The following METTL15 variants were observed in gnomAD, a reference collection of about 807,000 sequenced individuals.
The protein encoded by METTL15 is 12S rRNA N(4)-cytidine methyltransferase METTL15.
A neutral mutation model predicts 38.3 loss-of-function variants in METTL15; 34 were observed. The observed-to-expected ratio is 0.89, with a 90% CI of 0.68 to 1.18. METTL15 has a LOEUF of 1.18. METTL15 is among the 50% of genes most tolerant of loss of function. The pLI is 0.00. For synonymous variants in METTL15, 162 were observed against 170.9 expected, an observed-to-expected ratio of 0.95 and a Z score of 0.41; for missense variants, 438 against 498.4, an observed-to-expected ratio of 0.88 and a Z score of 1.15.
chr11:28,279,585 C>T (rs945022502), intron 4 of METTL15, among the ~76,000 whole-genome samples: 1 of 152,250 alleles, frequency 6.6e-6, no homozygotes, highest in South Asian at 2.1e-4. Flanking sequence ...TTGGTGATCA[C>T]AACCTACATG....
chr11:28,392,408 A>G (rs1020889430), intron 5 of METTL15, among the ~76,000 whole-genome samples: 4 of 152,074 alleles, frequency 2.6e-5, no homozygotes, highest in African/African-American at 7.2e-5. Context: ...ATGGAACAGA[A>G]TAGAAAGCCC....
chr11:28,208,069 T>C (rs937772565), intron 3 of METTL15, among the ~76,000 whole-genome samples: 15 of 152,176 alleles, frequency 9.9e-5, no homozygotes, highest in Non-Finnish European at 2.1e-4. Flanking sequence ...AGCTCCTGGA[T>C]TCATTAATTT....
intron 4 of METTL15, among the ~76,000 whole-genome samples, chr11:28,265,893 T>A (rs1183528792): frequency 1.3e-5 from 2 of 152,228 alleles, no homozygotes; most frequent in Admixed American, 6.5e-5. Context: ...ACATGTGCCA[T>A]GTTGGTGTGC....
At chr11:28,234,063 T>G (rs1235199827) in intron 4 of METTL15, among the ~76,000 whole-genome samples, 2 of 151,990 alleles carry the variant, frequency 1.3e-5, no homozygotes, top group Admixed American at 1.3e-4. Flanking sequence ...TGTTTGGTTT[T>G]TTGTCCTTGC....
At chr11:28,133,708 G>T (rs1240915399) in intron 3 of METTL15, among the ~76,000 whole-genome samples, 1 of 152,032 alleles carries the variant, frequency 6.6e-6, no homozygotes, top group Non-Finnish European at 1.5e-5. Context: ...TGGAATTGAG[G>T]CTCCTACCAA....
intron 3 of METTL15, among the ~76,000 whole-genome samples, chr11:28,198,213 G>A (rs968959992): frequency 6.6e-6 from 1 of 152,022 alleles, no homozygotes; most frequent in African/African-American, 2.4e-5. Flanking sequence ...TTAGATTTTT[G>A]AGATTAGCTA....
intron 5 of METTL15, among the ~76,000 whole-genome samples, chr11:28,379,586 A>G (rs1312915462): frequency 1.3e-5 from 2 of 152,156 alleles, no homozygotes; most frequent in South Asian, 2.1e-4. Context: ...TTATATAATT[A>G]CTACTTTTTA....
chr11:28,265,657 C>G (rs770635908), intron 4 of METTL15, among the ~76,000 whole-genome samples: 1 of 151,984 alleles, frequency 6.6e-6, no homozygotes, highest in African/African-American at 2.4e-5. Flanking sequence ...TCTTTTCTTT[C>G]CTATCTAGAT....
chr11:28,123,004 A>C (rs1852317233), intron 3 of METTL15, among the ~76,000 whole-genome samples: 1 of 152,052 alleles, frequency 6.6e-6, no homozygotes, highest in South Asian at 2.1e-4. Flanking sequence ...AAAATGTTAC[A>C]CTCTCATGTT....
intron 3 of METTL15, among the ~76,000 whole-genome samples, chr11:28,165,132 A>G (rs949127886): frequency 3.3e-5 from 5 of 152,082 alleles, no homozygotes; most frequent in African/African-American, 1.2e-4. Context: ...GCTATTGTGG[A>G]TAAAGCTGCA....
Position 28,213,704 on chromosome 11 carries a change from G to A in METTL15, c.407+2506G>A, listed in dbSNP as rs559590453. 4.8e-5 allele frequency among the ~76,000 whole-genome samples: 7 copies of A among 145,078 alleles called. 1 individual carries two copies. In the East Asian group the frequency reaches 1.2e-3, roughly 25 times the overall value. ...GGAGTCTAGCTCTTTCACCCAGGCC[G>A]GACTGCAGTGGCGCTATCTCGGCTC... On this transcript the variant is annotated intron_variant, in intron 4 of 6. Coordinates refer to ENST00000407364, the MANE Select transcript of METTL15 (RefSeq NM_001113528.2).
intron 5 of METTL15, among the ~76,000 whole-genome samples, chr11:28,399,263 T>C (rs1204295985): frequency 1.3e-5 from 2 of 152,010 alleles, no homozygotes; most frequent in Non-Finnish European, 1.5e-5. Context: ...AAACTGAAAC[T>C]GGACCCCTTC....
chr11:28,116,365 A>T (rs987944744), intron 3 of METTL15, among the ~76,000 whole-genome samples: 6 of 152,202 alleles, frequency 3.9e-5, no homozygotes, highest in South Asian at 4.1e-4. Flanking sequence ...TAGTGTACTG[A>T]CTTCAGAAAT....
intron 4 of METTL15, among the ~76,000 whole-genome samples, chr11:28,217,159 C>G (rs1289275025): frequency 6.6e-6 from 1 of 152,140 alleles, no homozygotes; most frequent in Non-Finnish European, 1.5e-5. Context: ...AACGGTTGAA[C>G]TAGTTTACAG....
intron 3 of METTL15, among the ~76,000 whole-genome samples, chr11:28,151,542 T>G (rs931149992): frequency 6.6e-6 from 1 of 152,006 alleles, no homozygotes; most frequent in Non-Finnish European, 1.5e-5. Context: ...GCACATAATT[T>G]TCTTTTCAGG....
intron 6 of METTL15, among the ~76,000 whole-genome samples, chr11:28,433,197 A>T (rs1850951291): frequency 7.0e-6 from 1 of 142,844 alleles, no homozygotes; most frequent in Non-Finnish European, 1.5e-5. Flanking sequence ...TGTCATTAGT[A>T]CTATTATTCT....
intron 6 of METTL15, among the ~76,000 whole-genome samples, chr11:28,434,139 G>C (rs1467709337): frequency 6.6e-6 from 1 of 152,104 alleles, no homozygotes; most frequent in African/African-American, 2.4e-5. Flanking sequence ...TTTCCATCCT[G>C]TTCTTGTGAT....
chr11:28,471,882 T>C (rs952262479), intron 6 of METTL15, among the ~76,000 whole-genome samples: 1 of 151,966 alleles, frequency 6.6e-6, no homozygotes, highest in African/African-American at 2.4e-5. Context: ...TCATTCTCTG[T>C]GGGGGGAAAA....
intron 5 of METTL15, among the ~76,000 whole-genome samples, chr11:28,408,508 A>G (rs761259995): frequency 1.1e-3 from 166 of 152,188 alleles, no homozygotes; most frequent in Non-Finnish European, 2.2e-3. Context: ...ATAATCATGT[A>G]TAAGAATAGT....
Sources: allele counts gnomAD v4.1 joint callset (sites outside exome capture counted in the v4.1 genomes callset), GRCh38; gene constraint gnomAD v4.1.1; transcripts MANE v1.5; gene names NCBI Gene and HGNC (gene_info 2026-07-23, HGNC 2026-07-21).